LY6S: variants seen among roughly 807,000 people sequenced by gnomAD.
The protein encoded by LY6S is lymphocyte antigen 6S.
the LY6S span, among the ~76,000 whole-genome samples, chr8:143,062,808 A>AATGATG: frequency 1.6e-4 from 24 of 152,020 alleles, no homozygotes; most frequent in African/African-American, 2.4e-4. Context: ...GGGTATCAGG[A>AATGATG]ATGATGATGA....
chr8:143,042,992 C>A, the LY6S span: 1 of 1,367,394 alleles, frequency 7.3e-7, no homozygotes, highest in African/African-American at 1.5e-5. Flanking sequence ...CACATCCTTC[C>A]CCTGATCTCA....
chr8:143,040,986 T>C, the LY6S span, among the ~76,000 whole-genome samples: 4 of 152,256 alleles, frequency 2.6e-5, no homozygotes, highest in African/African-American at 7.2e-5. Context: ...AGAGATCACA[T>C]GCTTCACAAG....
chr8:143,054,720 G>A, the LY6S span, among the ~76,000 whole-genome samples: 10 of 152,024 alleles, frequency 6.6e-5, no homozygotes, highest in South Asian at 2.1e-4. Flanking sequence ...CTTTTCCCAC[G>A]TACCAACATT....
the LY6S span, among the ~76,000 whole-genome samples, chr8:143,059,455 A>G: frequency 6.6e-6 from 1 of 152,152 alleles, no homozygotes; most frequent in Admixed American, 6.5e-5. Flanking sequence ...AAGCTAACTT[A>G]TAACGATCCC....
chr8:143,052,116 C>T, the LY6S span, among the ~76,000 whole-genome samples: 1 of 151,198 alleles, frequency 6.6e-6, no homozygotes. Flanking sequence ...CCCGTCTCTA[C>T]TAAAAATACA....
chr8:143,057,095 C>A, the LY6S span: 1 of 307,914 alleles, frequency 3.2e-6, no homozygotes. Context: ...CTTGTTTGTG[C>A]AACTTTAGTT....
chr8:143,064,203 T>C, the LY6S span, among the ~76,000 whole-genome samples: 3 of 152,210 alleles, frequency 2.0e-5, no homozygotes, highest in Admixed American at 2.0e-4. Context: ...CAGTAGTTCA[T>C]AGTTAGGAAT....
At chr8:143,056,386 G>C in the LY6S span, among the ~76,000 whole-genome samples, 1 of 151,770 alleles carries the variant, frequency 6.6e-6, no homozygotes. Context: ...ATTTTCAAAA[G>C]AAACAAGTCA....
the LY6S span, among the ~76,000 whole-genome samples, chr8:143,058,426 T>C: frequency 3.9e-5 from 6 of 152,188 alleles, no homozygotes; most frequent in African/African-American, 1.4e-4. Context: ...GCCTGGCAGC[T>C]GAGGCAGAGA....
chr8:143,069,092 G>A, the LY6S span, among the ~76,000 whole-genome samples: 4 of 152,084 alleles, frequency 2.6e-5, no homozygotes, highest in East Asian at 5.8e-4. Flanking sequence ...AGCTGGCCCC[G>A]CTCCCATGGG....
chr8:143,057,733 C>T, the LY6S span: 19 of 791,506 alleles, frequency 2.4e-5, no homozygotes, highest in Non-Finnish European at 3.7e-5. Context: ...GCACATTCAG[C>T]TTAATCACTG....
the LY6S span, among the ~76,000 whole-genome samples, chr8:143,060,964 A>G: frequency 0.034 from 4,899 of 144,488 alleles, 108 homozygotes; most frequent in Non-Finnish European, 0.054. Context: ...AGAATACCGT[A>G]AAGGAAAAGA....
the LY6S span, among the ~76,000 whole-genome samples, chr8:143,046,439 G>A: frequency 1.1e-4 from 17 of 152,096 alleles, 1 homozygote; most frequent in Admixed American, 2.6e-4. Context: ...TTAGCAGGGC[G>A]TGGTGGCAGG....
chr8:143,063,321 G>A, the LY6S span, among the ~76,000 whole-genome samples: 2 of 152,184 alleles, frequency 1.3e-5, no homozygotes, highest in Non-Finnish European at 2.9e-5. Flanking sequence ...TCCTGACACC[G>A]TTTGGCAAGA....
chr8:143,066,585 C>A, the LY6S span: 4 of 294,356 alleles, frequency 1.4e-5, no homozygotes, highest in South Asian at 1.5e-4. Context: ...TTTTCTTTGT[C>A]ATCTTGGAGG....
At chr8:143,072,254 T>C in the LY6S span, among the ~76,000 whole-genome samples, 2,827 of 113,642 alleles carry the variant, frequency 0.025, 24 homozygotes, top group African/African-American at 0.062. Flanking sequence ...GGGGTCCCTG[T>C]TTGAGGAGAC....
the LY6S span, among the ~76,000 whole-genome samples, chr8:143,043,540 G>A: frequency 6.6e-6 from 1 of 152,212 alleles, no homozygotes; most frequent in African/African-American, 2.4e-5. Context: ...AGGGCAGCAG[G>A]GTTTGAGTTC....
chr8:143,062,145 A>G, the LY6S span, among the ~76,000 whole-genome samples: 5 of 152,256 alleles, frequency 3.3e-5, no homozygotes, highest in Non-Finnish European at 5.9e-5. Flanking sequence ...TTATTTGCAA[A>G]TGATATATTT....
chr8:143,067,746 A>G, the LY6S span, among the ~76,000 whole-genome samples: 2 of 152,220 alleles, frequency 1.3e-5, no homozygotes, highest in African/African-American at 4.8e-5. Flanking sequence ...AATCTGTATC[A>G]TGAATAAGTT....
Sources: gnomAD v4.1 joint callset for allele counts (sites outside exome capture counted in the v4.1 genomes callset) on GRCh38, gnomAD v4.1.1 for gene constraint, MANE v1.5 for transcripts, NCBI Gene and HGNC (gene_info 2026-07-23, HGNC 2026-07-21) for gene names.